Variants in FBXL13 observed in about 807,000 individuals in gnomAD.
FBXL13 encodes F-box and leucine rich repeat protein 13.
Under a neutral mutation model 83.6 loss-of-function variants are expected in FBXL13, and 67 were observed. The observed-to-expected ratio is 0.80, with a 90% CI of 0.66 to 0.98. The LOEUF is 0.98. Ranked by LOEUF, FBXL13 falls within the 50% of genes least tolerant of loss-of-function variation. FBXL13 has a pLI of 0.00. For synonymous variants in FBXL13, 272 were observed against 299.5 expected (o/e 0.91, Z 0.95); for missense variants, 822 against 866.5 (o/e 0.95, Z 0.64).
chr7:103,008,897 G>A (rs115944576), intron 6 of FBXL13, among the ~76,000 whole-genome samples: 1,787 of 152,148 alleles, frequency 0.012, 39 homozygotes, highest in African/African-American at 0.04. Flanking sequence ...TTATATTGTC[G>A]TTTATAAATC....
intron 8 of FBXL13, among the ~76,000 whole-genome samples, chr7:102,950,773 G>T (rs1823275986): frequency 6.6e-6 from 1 of 152,176 alleles, no homozygotes; most frequent in Non-Finnish European, 1.5e-5. Context: ...CATACTGTAT[G>T]ATTCCAACTA....
intron 6 of FBXL13, among the ~76,000 whole-genome samples, chr7:102,968,527 T>C (rs1826238212): frequency 6.6e-6 from 1 of 152,176 alleles, no homozygotes; most frequent in Non-Finnish European, 1.5e-5. Context: ...TCTAAAGATA[T>C]AGGATTCCTC....
At chr7:103,006,605 C>A (rs1916990) in intron 6 of FBXL13, among the ~76,000 whole-genome samples, 1 of 152,300 alleles carries the variant, frequency 6.6e-6, no homozygotes, top group African/African-American at 2.4e-5. Context: ...TTATCTTCAA[C>A]TAAATTAATT....
chr7:102,853,564 A>G (rs1302027156), intron 17 of FBXL13, among the ~76,000 whole-genome samples: 1 of 152,208 alleles, frequency 6.6e-6, no homozygotes, highest in Non-Finnish European at 1.5e-5. Context: ...AAAAGAAACT[A>G]CCATCAGAGT....
At chr7:102,812,399 GTCTT>G (rs1797481407), downstream of FBXL13, among the ~76,000 whole-genome samples, 5 of 152,200 alleles carry the variant, frequency 3.3e-5, no homozygotes, top group South Asian at 1.0e-3. Flanking sequence ...TTAAAGAGAT[GTCTT>G]TCTGAGACAT....
chr7:103,023,966 A>T (rs1793524634), intron 6 of FBXL13, among the ~76,000 whole-genome samples: 1 of 152,072 alleles, frequency 6.6e-6, no homozygotes, highest in African/African-American at 2.4e-5. Context: ...AGACACCAGG[A>T]TCTACTTGAG....
chr7:103,016,469 C>T (rs1585372458), intron 6 of FBXL13, among the ~76,000 whole-genome samples: 1 of 152,010 alleles, frequency 6.6e-6, no homozygotes, highest in African/African-American at 2.4e-5. Context: ...GTTCATCTCA[C>T]TGGGGCTTGT....
intron 17 of FBXL13, among the ~76,000 whole-genome samples, chr7:102,841,297 C>CTAA (rs901093485): frequency 1.3e-5 from 2 of 151,284 alleles, no homozygotes; most frequent in Non-Finnish European, 1.5e-5. Context: ...AAAGGATAAA[C>CTAA]TAATGTTCCA....
chr7:102,965,654 T>C (rs928682630), intron 7 of FBXL13, among the ~76,000 whole-genome samples: 3 of 152,242 alleles, frequency 2.0e-5, no homozygotes, highest in Non-Finnish European at 4.4e-5. Flanking sequence ...GCCACAGTAC[T>C]ATTTTTTAAC....
At chr7:102,943,436 A>G (rs1407679454) in intron 8 of FBXL13, among the ~76,000 whole-genome samples, 6 of 152,216 alleles carry the variant, frequency 3.9e-5, no homozygotes, top group Admixed American at 6.6e-5. Context: ...GAGTAACAAT[A>G]TATTTCACAA....
intron 3 of FBXL13, among the ~76,000 whole-genome samples, chr7:103,028,965 TAAAGA>T (rs916742883): frequency 6.6e-6 from 1 of 151,948 alleles, no homozygotes; most frequent in Non-Finnish European, 1.5e-5. Flanking sequence ...TTAGATAAAA[TAAAGA>T]AATCATGGGA....
chr7:103,041,621 A>G (rs1795711040), intron 2 of FBXL13, among the ~76,000 whole-genome samples: 1 of 152,218 alleles, frequency 6.6e-6, no homozygotes, highest in Admixed American at 6.5e-5. Context: ...AAGCTTATCC[A>G]CCACAATCAA....
rs528001726 is a variant in FBXL13, at chr7:102,907,656, C to T, written c.1008+5430G>A. ...CCCTACAAAGGACATGAACTCATCC[C>T]TTTTTATGGCTGCATAGTATTCCAT... is the stretch of plus-strand genomic sequence containing the variant. On this transcript the variant is annotated intron_variant, in intron 11 of 19. Transcript: ENST00000313221. Among the ~76,000 whole-genome samples, 566 of 152,200 alleles carry T rather than the reference C, an allele frequency of 3.7e-3. 5 individuals are homozygous for T. The highest frequency in any genetic ancestry group is 0.013 in the African/African-American group (559 of 41,528).
At chr7:102,848,936 G>A (rs1047845204) in intron 17 of FBXL13, among the ~76,000 whole-genome samples, 20 of 152,180 alleles carry the variant, frequency 1.3e-4, no homozygotes, top group African/African-American at 4.8e-4. Flanking sequence ...GGATGCGGAG[G>A]TTGCAGTGAG....
At chr7:102,900,728 T>C (rs1482391981) in intron 11 of FBXL13, among the ~76,000 whole-genome samples, 1 of 152,182 alleles carries the variant, frequency 6.6e-6, no homozygotes, top group Non-Finnish European at 1.5e-5. Flanking sequence ...TTACTCTCAC[T>C]GGGCCTAAAG....
At chr7:102,970,781 A>G (rs926928610) in intron 6 of FBXL13, among the ~76,000 whole-genome samples, 7 of 152,246 alleles carry the variant, frequency 4.6e-5, no homozygotes, top group Admixed American at 3.9e-4. Context: ...CATGAAAATT[A>G]AAAATATAGT....
At chr7:102,891,701 C>G (rs1017823241) in intron 11 of FBXL13, among the ~76,000 whole-genome samples, 7 of 152,092 alleles carry the variant, frequency 4.6e-5, no homozygotes, top group African/African-American at 1.7e-4. Context: ...AGTGAGGAAC[C>G]AGGACACAAG....
intron 6 of FBXL13, among the ~76,000 whole-genome samples, chr7:102,994,430 A>AT (rs1294488156): frequency 7.9e-5 from 12 of 151,650 alleles, no homozygotes; most frequent in Non-Finnish European, 1.6e-4. Context: ...CCAAGAGGAA[A>AT]AAAAAAAGAT....
intron 6 of FBXL13, among the ~76,000 whole-genome samples, chr7:103,011,066 T>C (rs1234353106): frequency 6.6e-6 from 1 of 151,900 alleles, no homozygotes; most frequent in African/African-American, 2.4e-5. Flanking sequence ...GTTTCAAAGA[T>C]TCAAGAGACA....
Sources: allele counts gnomAD v4.1 joint callset (sites outside exome capture counted in the v4.1 genomes callset), GRCh38; gene constraint gnomAD v4.1.1; transcripts MANE v1.5; gene names NCBI Gene and HGNC (gene_info 2026-07-23, HGNC 2026-07-21).